The following XRRA1 variants were observed in gnomAD, a reference collection of about 807,000 sequenced individuals.
XRRA1 encodes X-ray radiation resistance associated 1.
In XRRA1, 69 loss-of-function variants were observed where a neutral mutation model predicts 80.2. That is an observed-to-expected ratio of 0.86 (90% CI 0.71 to 1.05). XRRA1 has a LOEUF of 1.05. XRRA1 is among the 50% of genes least tolerant of loss of function. XRRA1 has a pLI of 0.00. For missense variants in XRRA1, 967 were observed against 976.4 expected (o/e 0.99, Z 0.13); for synonymous variants, 348 against 389.9 (o/e 0.89, Z 1.27).
chr11:74,843,872 T>TA lies in XRRA1; in HGVS notation c.2130_2131insT (p.Ile711TyrfsTer64). 1 of 1,611,408 alleles carries TA rather than the reference T, an allele frequency of 6.2e-7. No individual in the cohort carries two copies. Among genetic ancestry groups the TA allele is most frequent in the Non-Finnish European group, 8.5e-7 (1 of 1,178,802 alleles). On this transcript the variant is annotated frameshift_variant, in exon 18 of 19. Transcript: ENST00000684022. LOFTEE classifies it high-confidence loss of function. ...GCCGTACCTAGTGGAGCCTCTGTAATGTTCCGGGGATCCCGCAAGCGAATG... is the reference window on the plus strand; with the variant it reads ...GCCGTACCTAGTGGAGCCTCTGTAATAGTTCCGGGGATCCCGCAAGCGAATG...
chr11:74,944,351 C>T (rs1299171943), intron 2 of XRRA1, among the ~76,000 whole-genome samples: 1 of 152,192 alleles, frequency 6.6e-6, no homozygotes, highest in African/African-American at 2.4e-5. Context: ...ATCTGCTACA[C>T]ACGCACACAC....
At chr11:74,886,677 C>T (rs1270301327) in intron 10 of XRRA1, among the ~76,000 whole-genome samples, 2 of 152,256 alleles carry the variant, frequency 1.3e-5, no homozygotes, top group South Asian at 2.1e-4. Context: ...TCCTATCAAA[C>T]TACCAATGCC....
Position 74,857,211 on chromosome 11 carries a change from T to A in XRRA1, c.1170+1947A>T, listed in dbSNP as rs1421225879. On this transcript the variant is annotated intron_variant, in intron 12 of 18. Coordinates refer to ENST00000684022, the MANE Select transcript of XRRA1 (RefSeq NM_001378157.1). ...AAAGCAGGAAAACTGAGAAAAACAC[T>A]CTGGCACCCTAGGAAAAACCAGCTA... Among the ~76,000 whole-genome samples, 4 of 152,078 alleles carry A rather than the reference T, an allele frequency of 2.6e-5. No homozygotes were observed. The East Asian group carries it at 7.7e-4, about 29-fold the overall frequency.
intron 8 of XRRA1, among the ~76,000 whole-genome samples, chr11:74,907,682 G>A (rs1263145228): frequency 2.6e-5 from 4 of 152,142 alleles, no homozygotes; most frequent in African/African-American, 9.7e-5. Flanking sequence ...ACTGGTAACT[G>A]GGAGCACCAG....
intron 10 of XRRA1, among the ~76,000 whole-genome samples, chr11:74,899,696 T>C (rs533307891): frequency 2.6e-5 from 4 of 152,300 alleles, no homozygotes; most frequent in East Asian, 3.9e-4. Context: ...CTACCAAGAT[T>C]GAACTATGAG....
intron 14 of XRRA1, among the ~76,000 whole-genome samples, chr11:74,850,235 G>A (rs532750511): frequency 1.3e-5 from 2 of 152,282 alleles, no homozygotes; most frequent in South Asian, 2.1e-4. Context: ...TAGCATACAC[G>A]TAAGAGCTCT....
Position 74,842,627 on chromosome 11 carries a change from G to A in XRRA1, c.*573C>T, listed in dbSNP as rs2036730609. 6.6e-6 allele frequency: 1 copy of A among 152,642 alleles called. No individual in the cohort carries two copies. The allele number at this position is 152,642 out of a possible 1,614,324, so 9.5% of individuals were successfully genotyped here. The stretch of plus-strand genomic sequence containing the variant: ...AACTACGTCTTTTGGCATAAGTTAT[G>A]TCCAGTTTACAGTTTGCTCCAATTT... On this transcript the variant is annotated 3_prime_UTR_variant, in exon 19 of 19. Transcript: ENST00000684022.
At chr11:74,890,079 C>T (rs913096266) in intron 10 of XRRA1, among the ~76,000 whole-genome samples, 8 of 152,148 alleles carry the variant, frequency 5.3e-5, no homozygotes, top group Admixed American at 2.0e-4. Flanking sequence ...ACTCTCCACC[C>T]CAAATCAACA....
At chr11:74,910,206 G>C (rs7109155) in intron 8 of XRRA1, among the ~76,000 whole-genome samples, 4,185 of 152,290 alleles carry the variant, frequency 0.027, 183 homozygotes, top group African/African-American at 0.096. Flanking sequence ...CACAGAATAA[G>C]GGAGACATGG....
intron 7 of XRRA1, among the ~76,000 whole-genome samples, chr11:74,921,702 A>T (rs1940854621): frequency 6.6e-6 from 1 of 152,190 alleles, no homozygotes. Flanking sequence ...GCCTCCTTGT[A>T]AAACCTTCTC....
In XRRA1 at chr11:74,844,189, G is replaced by A; in HGVS notation, c.2022C>T (p.Pro674=). 6.2e-7 allele frequency: 1 copy of A among 1,613,894 alleles called. No individual in the cohort carries two copies. The highest frequency in any genetic ancestry group is 8.5e-7 in the Non-Finnish European group (1 of 1,179,830). ...TTACCCGTTTCTCTTTGTGAACATA[G>A]GGTTTCTGAAGAGTGTCCAGCTTGG... ...SKPKLDTLQK[P]YVHKEKRAQR... Residue 674 remains proline, a synonymous_variant, in exon 17 of 19, where the codon CCC becomes CCT. Transcript: ENST00000684022.
chr11:74,924,453 G>A (rs1239789246), intron 7 of XRRA1, among the ~76,000 whole-genome samples: 1 of 148,576 alleles, frequency 6.7e-6, no homozygotes, highest in African/African-American at 2.5e-5. Flanking sequence ...CAGCCTGGGC[G>A]ACAGAGCGAA....
intron 14 of XRRA1, among the ~76,000 whole-genome samples, chr11:74,850,499 C>T (rs578101848): frequency 2.0e-5 from 3 of 152,274 alleles, no homozygotes; most frequent in African/African-American, 7.2e-5. Flanking sequence ...CTTTTGGGAT[C>T]AGCAATGCTC....
intron 10 of XRRA1, chr11:74,876,157 C>T (rs1486049148): frequency 6.6e-6 from 1 of 152,182 alleles, no homozygotes; most frequent in African/African-American, 2.4e-5. Flanking sequence ...TTGCTTAAGA[C>T]AGCTGTCACA....
chr11:74,907,258 T>G lies in XRRA1; in HGVS notation c.672A>C (p.Thr224=). The change falls in exon 9 of 19, where the codon ACA becomes ACC. Residue 224 remains threonine, a synonymous_variant. Coordinates refer to ENST00000684022, the MANE Select transcript of XRRA1 (RefSeq NM_001378157.1). The part of the protein sequence containing the change: ...LAVAEQEASV[T]SLTSKRYILR... ...GGATGTACCTCTTGCTTGTCAGCGA[T>G]GTTACAGATGCCTCCCTGTGAGTGC... 1 of 1,613,888 alleles carries G rather than the reference T, an allele frequency of 6.2e-7. No individual in the cohort carries two copies.
Position 74,936,971 on chromosome 11 carries a change from C to T in XRRA1, c.192G>A (p.Ala64=), listed in dbSNP as rs548854792. 25 of 1,613,842 alleles carry T rather than the reference C, an allele frequency of 1.5e-5. No individual in the cohort carries two copies. The highest frequency in any genetic ancestry group is 1.6e-4 in the Middle Eastern group (1 of 6,062). Residue 64 remains alanine (A), a synonymous_variant, in exon 4 of 19, where the codon GCG becomes GCA. Transcript: ENST00000684022. ...TCTTCCCCTTGAACTCAAAAGAAGT[C>T]GCCTTCAGGCTTTCCCGACGTTCAG... ...AQAERRESLK[A]TSFEFKGKKE...
At chr11:74,900,358 G>T (rs971050825) in intron 10 of XRRA1, among the ~76,000 whole-genome samples, 1 of 151,968 alleles carries the variant, frequency 6.6e-6, no homozygotes, top group Non-Finnish European at 1.5e-5. Context: ...CAAGGTGGGC[G>T]GATCACCTGA....
At chr11:74,919,208 T>C (rs529249) in intron 8 of XRRA1, among the ~76,000 whole-genome samples, 51,061 of 151,954 alleles carry the variant, frequency 0.34, 9,509 homozygotes, top group Middle Eastern at 0.43. Context: ...TACTGGAATA[T>C]TTATAGATGA....
intron 10 of XRRA1, among the ~76,000 whole-genome samples, chr11:74,895,331 T>A (rs2052005370): frequency 6.6e-6 from 1 of 152,220 alleles, no homozygotes; most frequent in Admixed American, 6.5e-5. Context: ...AATAAAGCCA[T>A]GCTGGGCTCA....
Sources: allele counts gnomAD v4.1 joint callset (sites outside exome capture counted in the v4.1 genomes callset), GRCh38; gene constraint gnomAD v4.1.1; transcripts MANE v1.5; gene names NCBI Gene and HGNC (gene_info 2026-07-23, HGNC 2026-07-21).